The following LPP variants were observed in gnomAD, a reference collection of about 807,000 sequenced individuals.
LPP encodes the protein LIM domain containing preferred translocation partner in lipoma, also known as lipoma-preferred partner.
A neutral mutation model predicts 60.4 loss-of-function variants in LPP; 38 were observed. The observed-to-expected ratio is 0.63, with a 90% CI of 0.49 to 0.83. The LOEUF is 0.83. Among genes scored for constraint, LPP ranks in the 40% least tolerant of loss-of-function variants. The probability of loss-of-function intolerance (pLI) is 0.00; values close to 1 mark genes in which losing one functional copy is unlikely to be tolerated. For synonymous variants in LPP, 328 were observed against 290.8 expected, an observed-to-expected ratio of 1.13 and a Z score of -1.30; for missense variants, 902 against 783.6, an observed-to-expected ratio of 1.15 and a Z score of -1.80.
intron 7 of LPP, among the ~76,000 whole-genome samples, chr3:188,661,246 G>A (rs1266999380): frequency 6.6e-6 from 1 of 152,074 alleles, no homozygotes; most frequent in Non-Finnish European, 1.5e-5. Context: ...CCTCCTAAAG[G>A]ACATCTTAGT....
chr3:188,667,339 G>C (rs187217996), intron 7 of LPP, among the ~76,000 whole-genome samples: 122 of 152,008 alleles, frequency 8.0e-4, no homozygotes, highest in Admixed American at 4.7e-3. Context: ...TTAGCCGGGC[G>C]TGGTGGTGGG....
At chr3:188,522,545 T>C (rs187201150) in intron 5 of LPP, among the ~76,000 whole-genome samples, 1 of 152,210 alleles carries the variant, frequency 6.6e-6, no homozygotes, top group Admixed American at 6.5e-5. Context: ...TTATTTGGGC[T>C]AGGTCTTGAA....
chr3:188,394,768 G>A (rs1017540103), intron 3 of LPP, among the ~76,000 whole-genome samples: 2 of 152,112 alleles, frequency 1.3e-5, no homozygotes, highest in African/African-American at 4.8e-5. Flanking sequence ...ATTTGAAACA[G>A]CCTGGTTCAT....
intron 5 of LPP, among the ~76,000 whole-genome samples, chr3:188,485,723 G>T (rs1471951234): frequency 7.0e-6 from 1 of 141,862 alleles, no homozygotes; most frequent in Non-Finnish European, 1.5e-5. Context: ...CGTGAACCCG[G>T]GAGGCAGAGC....
chr3:188,330,432 C>T (rs1219019688), intron 2 of LPP, among the ~76,000 whole-genome samples: 1 of 152,138 alleles, frequency 6.6e-6, no homozygotes, highest in Non-Finnish European at 1.5e-5. Flanking sequence ...TTCTCATTCA[C>T]CGTTCAGTTG....
intron 1 of LPP, among the ~76,000 whole-genome samples, chr3:188,159,449 G>A (rs1358642813): frequency 1.3e-5 from 2 of 152,184 alleles, no homozygotes; most frequent in African/African-American, 4.8e-5. Context: ...ACACAAATAA[G>A]CATGCATCAC....
At chr3:188,439,591 T>C (rs1793263795) in intron 4 of LPP, among the ~76,000 whole-genome samples, 1 of 152,226 alleles carries the variant, frequency 6.6e-6, no homozygotes, top group Admixed American at 6.5e-5. Flanking sequence ...TGAAGTCCAG[T>C]GGAGTCTATA....
rs939312263 is a variant in LPP at position 188,644,620 on chromosome 3, T to TA, written c.1113+34785dup. ...TTCATCTATTATTTATTCCAAGCTTTAAAAAAAAAGTACTAAAATAAAATT... is the reference window on the plus strand; with the variant it reads ...TTCATCTATTATTTATTCCAAGCTTTAAAAAAAAAAGTACTAAAATAAAATT... On this transcript the variant is annotated intron_variant, in intron 7 of 11. Coordinates refer to ENST00000617246, the MANE Select transcript of LPP (RefSeq NM_001375462.1). Among the ~76,000 whole-genome samples, 48 of 151,236 alleles carry TA rather than the reference T, an allele frequency of 3.2e-4. 1 individual carries two copies. The highest frequency in any genetic ancestry group is 9.2e-4 in the African/African-American group (38 of 41,164).
intron 9 of LPP, among the ~76,000 whole-genome samples, chr3:188,863,276 T>C (rs543114553): frequency 7.2e-5 from 11 of 152,374 alleles, no homozygotes; most frequent in Non-Finnish European, 1.3e-4. Context: ...ATTTACCCAA[T>C]GTCATACAGC....
chr3:188,733,997 ATATGTGTGTGTG>A (rs1449119822), intron 8 of LPP, among the ~76,000 whole-genome samples: 1 of 151,788 alleles, frequency 6.6e-6, no homozygotes, highest in East Asian at 1.9e-4. Flanking sequence ...AGAAGTGTGT[ATATGTGTGTGTG>A]TGGAGTTTGT....
intron 9 of LPP, among the ~76,000 whole-genome samples, chr3:188,835,135 T>TAATTATTCACAG (rs1414686814): frequency 6.6e-6 from 1 of 152,008 alleles, no homozygotes; most frequent in East Asian, 1.9e-4. Context: ...TTAGATAAAA[T>TAATTATTCACAG]AATTATTCAC....
At chr3:188,509,131 T>C (rs1814444088) in intron 5 of LPP, among the ~76,000 whole-genome samples, 1 of 152,244 alleles carries the variant, frequency 6.6e-6, no homozygotes, top group African/African-American at 2.4e-5. Context: ...TAGCTTCACC[T>C]GAGACCAAGG....
intron 6 of LPP, among the ~76,000 whole-genome samples, chr3:188,566,715 T>A (rs1251217032): frequency 6.6e-6 from 1 of 151,906 alleles, no homozygotes; most frequent in African/African-American, 2.4e-5. Context: ...TGTTTTTTAA[T>A]ATCATGCTTT....
chr3:188,276,690 TC>T (rs2149851818), intron 2 of LPP, among the ~76,000 whole-genome samples: 3 of 14,906 alleles, frequency 2.0e-4, no homozygotes, highest in South Asian at 1.6e-3. Context: ...TCTCTCTCTC[TC>T]TCTTTCTCTC....
In LPP at chr3:188,446,353, G is replaced by A. The variant is rs529125569; in HGVS notation, c.194-38239G>A. On this transcript the variant is annotated intron_variant, in intron 4 of 11. Transcript: ENST00000617246. ...CTCTTTCTGCCACTCTCCAGACGCC[G>A]TGCCAGTCAGGCCCTCAAGGTCAAA... 1.1e-4 allele frequency among the ~76,000 whole-genome samples: 16 copies of A among 152,266 alleles called. No individual in the cohort carries two copies. The South Asian group carries it at 1.2e-3, about 12-fold the overall frequency.
intron 4 of LPP, among the ~76,000 whole-genome samples, chr3:188,469,885 T>C (rs1356765804): frequency 6.6e-6 from 1 of 152,170 alleles, no homozygotes; most frequent in Non-Finnish European, 1.5e-5. Context: ...ATAACTTATA[T>C]TTATGTAGGA....
rs1404028970 is a variant in LPP, at chr3:188,882,863, C to G, written c.*8384C>G. 1 of 181,230 alleles carries G rather than the reference C, an allele frequency of 5.5e-6. No individual in the cohort carries two copies. Among genetic ancestry groups the G allele is most frequent in the African/African-American group, 2.4e-5 (1 of 42,408 alleles). 11.2% of individuals were successfully genotyped at this position (181,230 alleles called of 1,614,324 possible). A position where few individuals can be genotyped will look rare whatever the true frequency, so the allele number is the denominator to read the frequency against. On this transcript the variant is annotated 3_prime_UTR_variant, in exon 12 of 12. Coordinates refer to ENST00000617246, the MANE Select transcript of LPP (RefSeq NM_001375462.1). Reference sequence around the variant, plus strand: ...ACGCCATTCTCCTGCCTCAGCCTCCCGAGTAGCTGGGACTACAGACGCCCG... The same window carrying G: ...ACGCCATTCTCCTGCCTCAGCCTCCGGAGTAGCTGGGACTACAGACGCCCG...
rs145340603 is a variant in LPP, at chr3:188,688,921, C to T, written c.1114-19346C>T. ...CAGTGTTAATCCTAGATTACAATCC[C>T]GCCTCTATTATTTTAACTTTGTTCA... On this transcript the variant is annotated intron_variant, in intron 7 of 11. Coordinates refer to ENST00000617246, the MANE Select transcript of LPP (RefSeq NM_001375462.1). 3,727 of 506,450 alleles carry T rather than the reference C, an allele frequency of 7.4e-3. 150 individuals carry two copies. In the Admixed American group the frequency reaches 0.074, roughly 10 times the overall value. The allele number at this position is 506,450 out of a possible 1,614,324, so 31.4% of individuals were successfully genotyped here.
At chr3:188,361,699 T>G (rs1769453627) in intron 3 of LPP, among the ~76,000 whole-genome samples, 2 of 152,014 alleles carry the variant, frequency 1.3e-5, no homozygotes, top group Admixed American at 1.3e-4. Context: ...CCCAAGTAGC[T>G]GGGATTACAG....
Sources: gnomAD v4.1 joint callset for allele counts (sites outside exome capture counted in the v4.1 genomes callset) on GRCh38, gnomAD v4.1.1 for gene constraint, MANE v1.5 for transcripts, NCBI Gene and HGNC (gene_info 2026-07-23, HGNC 2026-07-21) for gene names.